Variants in INTS4 observed in about 807,000 individuals in gnomAD.
INTS4 encodes the protein integrator complex subunit 4.
Under a neutral mutation model 119.5 loss-of-function variants are expected in INTS4, and 70 were observed. That is an observed-to-expected ratio of 0.59 (90% CI 0.48 to 0.71). The LOEUF (loss-of-function observed/expected upper bound fraction) is 0.71. INTS4 is among the 30% of genes least tolerant of loss of function. The pLI, the probability that INTS4 is intolerant of heterozygous loss-of-function variation, is 0.00. For synonymous variants in INTS4, 316 were observed against 419.6 expected (o/e 0.75, Z 3.02); for missense variants, 867 against 1,173.2 (o/e 0.74, Z 3.81).
At chr11:77,922,096 C>T (rs1189498124) in intron 13 of INTS4, among the ~76,000 whole-genome samples, 4 of 151,708 alleles carry the variant, frequency 2.6e-5, no homozygotes, top group Non-Finnish European at 5.9e-5. Flanking sequence ...GGTGTGGTAG[C>T]GGGCGCCTAT....
intron 6 of INTS4, 103 bp from the exon 7 acceptor site, chr11:77,958,937 T>C: frequency 1.4e-6 from 1 of 738,998 alleles, no homozygotes; most frequent in South Asian, 1.6e-5. Flanking sequence ...GGATGCCCAG[T>C]AAAACACTTG....
Position 77,938,761 on chromosome 11 carries a change from C to G in INTS4, c.1055G>C (p.Arg352Thr). 6.2e-7 allele frequency: 1 copy of G among 1,612,084 alleles called. No individual in the cohort carries two copies. Among genetic ancestry groups the G allele is most frequent in the Non-Finnish European group, 8.5e-7 (1 of 1,179,874 alleles). ...LYSSGEFSSG[R>T]KWGDDAPKEE... ...CTTGGGAGCATCATCTCCCCACTTT[C>G]TGCCACTGGAAAACTCCCCCGAACT... Residue 352 changes from arginine (R) to threonine (T), a missense_variant, in exon 10 of 23, where the codon AGA (arginine) becomes ACA (threonine). By Grantham distance (71) the Arg-to-Thr change is moderately conservative. Coordinates refer to ENST00000534064, the MANE Select transcript of INTS4 (RefSeq NM_033547.4).
intron 14 of INTS4, among the ~76,000 whole-genome samples, chr11:77,919,776 C>A (rs1402900470): frequency 1.3e-5 from 2 of 152,054 alleles, no homozygotes; most frequent in Non-Finnish European, 2.9e-5. Context: ...GAGGAGAGAG[C>A]AAAGAGTATT....
rs150144073 is a variant in INTS4 at position 77,956,042 on chromosome 11, G to C, written c.818C>G (p.Ser273Cys). 426 of 1,603,032 alleles carry C rather than the reference G, an allele frequency of 2.7e-4. 1 individual carries two copies. The African/African-American group carries it at 5.2e-3, about 20-fold the overall frequency. The change falls in exon 8 of 23, where the codon TCT (serine) becomes TGT (cysteine). Residue 273 changes from serine (S) to cysteine (C), a missense_variant. Transcript: ENST00000534064. ...ATCAACTAAGCGTATTTCTTCATTA[G>C]AAGAAGGAATTGGGACAATGCTAAA... ...YPESIVPIPSSNEEIRLVDDA... is the reference protein window; with the variant it reads ...YPESIVPIPSCNEEIRLVDDA...
intron 10 of INTS4, among the ~76,000 whole-genome samples, chr11:77,933,365 G>A (rs1262070172): frequency 6.7e-6 from 1 of 148,436 alleles, no homozygotes; most frequent in Non-Finnish European, 1.5e-5. Context: ...TGGGATTGCA[G>A]GCGCGCGCCG....
intron 16 of INTS4, among the ~76,000 whole-genome samples, chr11:77,905,162 T>C (rs903037951): frequency 6.6e-6 from 1 of 152,036 alleles, no homozygotes; most frequent in Non-Finnish European, 1.5e-5. Flanking sequence ...GAACAAATAC[T>C]TAAGACGAAA....
intron 18 of INTS4, chr11:77,901,218 G>A: frequency 1.6e-6 from 1 of 639,736 alleles, no homozygotes; most frequent in Non-Finnish European, 2.7e-6. Flanking sequence ...GCAAGGGAGA[G>A]ACACAATTGG....
In INTS4 at chr11:77,985,041, A is replaced by T. The variant is rs150462554; in HGVS notation, c.247-3465T>A. Among the ~76,000 whole-genome samples the T allele has an allele frequency of 7.9e-4, 121 of 152,248 alleles. 1 individual carries two copies. The highest frequency in any genetic ancestry group is 5.6e-3 in the Admixed American group (85 of 15,284). ...AGCACTCCTTCTACTATGACACATAAATGATCTCCTTCACACCTGAGCTAA... is the reference window on the plus strand; with the variant it reads ...AGCACTCCTTCTACTATGACACATATATGATCTCCTTCACACCTGAGCTAA... On this transcript the variant is annotated intron_variant, in intron 2 of 22. Transcript: ENST00000534064.
At chr11:77,961,271 T>A (rs1436638671) in intron 4 of INTS4, 133 bp from the exon 5 acceptor site, 6 of 1,173,242 alleles carry the variant, frequency 5.1e-6, no homozygotes, top group East Asian at 2.7e-5. Context: ...AGACCTATAT[T>A]CTTAGGACAG....
intron 4 of INTS4, among the ~76,000 whole-genome samples, chr11:77,970,025 G>A (rs910636808): frequency 5.3e-5 from 8 of 152,062 alleles, no homozygotes; most frequent in Admixed American, 6.6e-5. Flanking sequence ...ATATTCTAAC[G>A]TGCATTATTT....
chr11:77,892,052 C>T (rs998682818), intron 19 of INTS4, among the ~76,000 whole-genome samples: 2 of 152,152 alleles, frequency 1.3e-5, no homozygotes, highest in Non-Finnish European at 2.9e-5. Context: ...CCATTATGTG[C>T]CAGGCATACT....
At chr11:77,930,320 T>G (rs2136500378) in intron 10 of INTS4, among the ~76,000 whole-genome samples, 1 of 152,376 alleles carries the variant, frequency 6.6e-6, no homozygotes, top group Non-Finnish European at 1.5e-5. Context: ...TAAAGACAGA[T>G]GATTCAGGTT....
At chr11:77,962,614 T>C (rs1183480103) in intron 4 of INTS4, among the ~76,000 whole-genome samples, 2 of 152,082 alleles carry the variant, frequency 1.3e-5, no homozygotes, top group Non-Finnish European at 2.9e-5. Context: ...ACACATAATA[T>C]TGCAAGACAG....
At chr11:77,920,228 C>CATACATATAT (rs1953316393) in intron 14 of INTS4, among the ~76,000 whole-genome samples, 2 of 15,184 alleles carry the variant, frequency 1.3e-4, no homozygotes, top group Admixed American at 6.0e-4. Context: ...TACACATATA[C>CATACATATAT]ATACATATAT....
chr11:77,918,105 G>A (rs1282261968), intron 15 of INTS4: 1 of 702,418 alleles, frequency 1.4e-6, no homozygotes, highest in Non-Finnish European at 2.6e-6. Context: ...GTTAAGCAGA[G>A]GCTGCTTGAT....
chr11:77,972,668 C>CG (rs1855778633), intron 4 of INTS4, among the ~76,000 whole-genome samples: 1 of 152,032 alleles, frequency 6.6e-6, no homozygotes, highest in African/African-American at 2.4e-5. Flanking sequence ...CTGCCTACCA[C>CG]GGCCTCCCAA....
chr11:77,883,765 A>G, intron 22 of INTS4, 67 bp downstream of exon 22: 1 of 1,539,016 alleles, frequency 6.5e-7, no homozygotes. Context: ...TTAAAAACCA[A>G]ACGCTTAAGG....
At chr11:77,900,900 C>A in intron 18 of INTS4, 2 of 439,582 alleles carry the variant, frequency 4.5e-6, no homozygotes, top group Non-Finnish European at 8.1e-6. Context: ...ATAGAAATGC[C>A]ATGAGGTAGA....
intron 19 of INTS4, among the ~76,000 whole-genome samples, chr11:77,892,163 C>T (rs755496236): frequency 6.6e-6 from 1 of 152,152 alleles, no homozygotes; most frequent in South Asian, 2.1e-4. Context: ...TTAACAAATA[C>T]ATTTTTAAGA....
Sources: gnomAD v4.1 joint callset for allele counts (sites outside exome capture counted in the v4.1 genomes callset) on GRCh38, gnomAD v4.1.1 for gene constraint, MANE v1.5 for transcripts, NCBI Gene and HGNC (gene_info 2026-07-23, HGNC 2026-07-21) for gene names.